The following PDE4D variants were observed in gnomAD, a reference collection of about 807,000 sequenced individuals.
The protein encoded by PDE4D is phosphodiesterase 4D, also known as 3',5'-cyclic-AMP phosphodiesterase 4D.
A neutral mutation model predicts 87.4 loss-of-function variants in PDE4D; 24 were observed. The ratio of observed to expected loss-of-function variants is 0.27; its 90% CI spans 0.20 to 0.39. The LOEUF is 0.39. Ranked by LOEUF, PDE4D falls within the 10% of genes least tolerant of loss-of-function variation. PDE4D has a pLI of 1.00. For synonymous variants in PDE4D, 384 were observed against 383.2 expected (o/e 1.00, Z -0.02); for missense variants, 714 against 1,041.0 (o/e 0.69, Z 4.32).
At position 60,311,018 on chromosome 5, in the gene PDE4D, C is replaced by CTT. The variant is rs67263352; in HGVS notation, c.-89-125333_-89-125332dup. ...CTGAGTCCAACTCATTAAAATAAGT[C>CTT]TTTTTTTTTTTTTTTTGAGGTGGAG... is the stretch of plus-strand genomic sequence containing the variant. On this transcript the variant is annotated intron_variant, in intron 1 of 16. Transcript: ENST00000502484. Among the ~76,000 whole-genome samples the CTT allele has an allele frequency of 5.7e-3, 800 of 139,682 alleles. 8 individuals are homozygous for CTT. The highest frequency in any genetic ancestry group is 0.02 in the African/African-American group (748 of 37,244). 91.6% of individuals were successfully genotyped at this position (139,682 alleles called of 152,430 possible). A position where few individuals can be genotyped will look rare whatever the true frequency, so the allele number is the denominator to read the frequency against.
At chr5:59,385,500 C>T (rs145871920) in intron 1 of PDE4D, among the ~76,000 whole-genome samples, 2 of 152,076 alleles carry the variant, frequency 1.3e-5, no homozygotes, top group African/African-American at 4.8e-5. Flanking sequence ...AATCTGATTA[C>T]TTTCATTTTA....
At chr5:59,993,263 T>TGCATTCCAGTGCATTAAA (rs1472621104) in intron 2 of PDE4D, among the ~76,000 whole-genome samples, 5 of 152,136 alleles carry the variant, frequency 3.3e-5, no homozygotes, top group Non-Finnish European at 7.4e-5. Context: ...CATATTAAAG[T>TGCATTCCAGTGCATTAAA]TTGAGAACTA....
chr5:58,984,051 C>T (rs1188924398), intron 11 of PDE4D, among the ~76,000 whole-genome samples: 1 of 142,220 alleles, frequency 7.0e-6, no homozygotes, highest in East Asian at 2.1e-4. Flanking sequence ...ACTCACTGTT[C>T]TTACAGCTTT....
At chr5:59,499,347 TA>T (rs55735204) in intron 1 of PDE4D, among the ~76,000 whole-genome samples, 83,313 of 130,416 alleles carry the variant, frequency 0.64, 26,926 homozygotes, top group South Asian at 0.82. Flanking sequence ...AAATCGCACC[TA>T]AAAAAAAAAA....
chr5:60,385,607 C>T (rs939856260), intron 1 of PDE4D, among the ~76,000 whole-genome samples: 11 of 152,222 alleles, frequency 7.2e-5, no homozygotes, highest in African/African-American at 2.7e-4. Flanking sequence ...GTGCAGCCTG[C>T]AAGTCATTCC....
intron 1 of PDE4D, among the ~76,000 whole-genome samples, chr5:59,820,026 GTC>G (rs1451926017): frequency 6.6e-6 from 1 of 152,160 alleles, no homozygotes; most frequent in Non-Finnish European, 1.5e-5. Context: ...CCCTTGGCCT[GTC>G]AGAAACACAA....
intron 1 of PDE4D, among the ~76,000 whole-genome samples, chr5:60,404,567 A>T (rs1741380685): frequency 6.6e-6 from 1 of 152,196 alleles, no homozygotes; most frequent in Non-Finnish European, 1.5e-5. Context: ...ACATGTGGCT[A>T]TTGAGCCCTG....
chr5:60,215,982 T>G (rs1743814066), intron 1 of PDE4D, among the ~76,000 whole-genome samples: 1 of 152,126 alleles, frequency 6.6e-6, no homozygotes, highest in Non-Finnish European at 1.5e-5. Flanking sequence ...CCATAAGAAT[T>G]TTATACTCAT....
intron 2 of PDE4D, among the ~76,000 whole-genome samples, chr5:60,058,229 T>C (rs974987831): frequency 1.3e-5 from 2 of 151,988 alleles, no homozygotes; most frequent in African/African-American, 4.8e-5. Context: ...TTCCTGAGTA[T>C]GATTAAAAAC....
At chr5:60,252,689 G>C (rs982924129) in intron 1 of PDE4D, among the ~76,000 whole-genome samples, 1 of 151,814 alleles carries the variant, frequency 6.6e-6, no homozygotes, top group African/African-American at 2.4e-5. Flanking sequence ...TACTCCTATG[G>C]AAAGAGTGGG....
intron 1 of PDE4D, among the ~76,000 whole-genome samples, chr5:59,537,027 T>C (rs543980084): frequency 6.6e-6 from 1 of 152,348 alleles, no homozygotes; most frequent in Admixed American, 6.5e-5. Context: ...TACTAGATGA[T>C]TAAATATAGG....
chr5:60,300,391 C>T (rs1169803165), intron 1 of PDE4D, among the ~76,000 whole-genome samples: 1 of 151,976 alleles, frequency 6.6e-6, no homozygotes, highest in Admixed American at 6.5e-5. Flanking sequence ...TGTGCAGGGG[C>T]TCTTTAGTTT....
At chr5:60,063,142 GAAAGAAA>G (rs1771651648) in intron 2 of PDE4D, among the ~76,000 whole-genome samples, 3 of 145,294 alleles carry the variant, frequency 2.1e-5, no homozygotes, top group African/African-American at 7.7e-5. Context: ...AAGAAAGAAA[GAAAGAAA>G]GAAAGAAGGA....
chr5:59,682,644 C>G (rs1264729297), intron 1 of PDE4D, among the ~76,000 whole-genome samples: 4 of 152,168 alleles, frequency 2.6e-5, no homozygotes, highest in African/African-American at 7.2e-5. Context: ...CCAGAGAACT[C>G]TCTCTTCCTT....
chr5:59,067,317 A>G (rs1177631055), intron 5 of PDE4D, among the ~76,000 whole-genome samples: 1 of 152,014 alleles, frequency 6.6e-6, no homozygotes, highest in African/African-American at 2.4e-5. Context: ...GTGCCTGGCT[A>G]TGATATTTTG....
intron 1 of PDE4D, among the ~76,000 whole-genome samples, chr5:60,272,676 T>C (rs1413639672): frequency 6.6e-6 from 1 of 152,158 alleles, no homozygotes; most frequent in Non-Finnish European, 1.5e-5. Context: ...TTGTATCAGT[T>C]AGACAAAAAT....
At chr5:59,702,632 G>A (rs1752748393) in intron 1 of PDE4D, among the ~76,000 whole-genome samples, 1 of 151,886 alleles carries the variant, frequency 6.6e-6, no homozygotes, top group Admixed American at 6.6e-5. Context: ...ACTTTGGGAG[G>A]CCAAGGCAGG....
In PDE4D at chr5:60,476,054, A is replaced by G. The variant is rs140131203; in HGVS notation, c.-90+11888T>C. ...GCATGTTCTAAATCCAATCATTCAG[A>G]TATAACCCTAGAGATTTTTGCTATT... is the stretch of plus-strand genomic sequence containing the variant. On this transcript the variant is annotated intron_variant, in intron 1 of 16. Coordinates refer to the PDE4D transcript ENST00000502484. Among the ~76,000 whole-genome samples the G allele has an allele frequency of 3.8e-3, 576 of 152,274 alleles. 5 individuals carry two copies. Among genetic ancestry groups the G allele is most frequent in the African/African-American group, 0.013 (555 of 41,558 alleles).
chr5:59,329,577 C>G (rs114494285), intron 1 of PDE4D, among the ~76,000 whole-genome samples: 2,072 of 152,198 alleles, frequency 0.014, 19 homozygotes, highest in Non-Finnish European at 0.023. Flanking sequence ...GTCTAAAGGT[C>G]ATGATTTGGA....
Sources: allele counts gnomAD v4.1 joint callset (sites outside exome capture counted in the v4.1 genomes callset), GRCh38; gene constraint gnomAD v4.1.1; transcripts MANE v1.5; gene names NCBI Gene and HGNC (gene_info 2026-07-23, HGNC 2026-07-21).